Variants in IL18BP observed in about 807,000 individuals in gnomAD.
IL18BP encodes interleukin 18 binding protein.
Under a neutral mutation model 19.9 loss-of-function variants are expected in IL18BP, and 23 were observed. The observed-to-expected ratio is 1.15, with a 90% CI of 0.83 to 1.64. IL18BP has a LOEUF of 1.64. IL18BP is among the 40% of genes most tolerant of loss of function. The pLI is 0.00. For synonymous variants in IL18BP, 107 were observed against 101.0 expected (o/e 1.06, Z -0.35); for missense variants, 239 against 240.7 (o/e 0.99, Z 0.05).
Position 72,000,376 on chromosome 11 carries a change from C to A in IL18BP, c.54C>A (p.Leu18=), listed in dbSNP as rs138685890. The change falls in exon 3 of 6, where the codon CTC becomes CTA. Residue 18 remains leucine, a synonymous_variant. Transcript: ENST00000393703. ...TPDLSPLWVL[L]LCAHVVTLLV... The stretch of plus-strand genomic sequence containing the variant: ...ACCTCAGCCCTTTGTGGGTCCTGCT[C>A]CTGTGTGCCCACGTCGTCACTCTCC... The A allele has an allele frequency of 9.9e-6, 16 of 1,613,906 alleles. No individual in the cohort carries two copies. Among genetic ancestry groups the A allele is most frequent in the African/African-American group, 1.3e-5 (1 of 74,916 alleles).
downstream of IL18BP, chr11:72,003,881 C>A (rs765421656): frequency 8.1e-6 from 13 of 1,613,454 alleles, no homozygotes; most frequent in South Asian, 1.4e-4. Flanking sequence ...CTGCCAGTGC[C>A]TCTACCTTGC....
downstream of IL18BP, chr11:72,005,780 T>G: frequency 1.9e-6 from 1 of 535,438 alleles, no homozygotes; most frequent in South Asian, 2.6e-5. Context: ...CATGGAGGAC[T>G]CCCCACAGCT....
chr11:72,006,187 C>A, downstream of IL18BP: 1 of 1,614,150 alleles, frequency 6.2e-7, no homozygotes, highest in Non-Finnish European at 8.5e-7. Flanking sequence ...GGCTCGCAGG[C>A]TAGCCTGGGA....
downstream of IL18BP, chr11:72,006,043 G>C (rs1164879993): frequency 1.2e-6 from 2 of 1,611,318 alleles, no homozygotes; most frequent in Non-Finnish European, 1.7e-6. Context: ...ACCTGGAGGG[G>C]CCCCACTGGA....
At chr11:72,004,772 A>C (rs1041775308), downstream of IL18BP, 1 of 1,599,056 alleles carries the variant, frequency 6.3e-7, no homozygotes, top group African/African-American at 1.4e-5. Flanking sequence ...GGGGGTCTCC[A>C]GTTTTCATCT....
At chr11:72,000,279 T>A in intron 2 of IL18BP, 72 bp from the exon 3 acceptor site, 1 of 1,352,722 alleles carries the variant, frequency 7.4e-7, no homozygotes, top group Non-Finnish European at 1.1e-6. Flanking sequence ...ATCTCTGGGC[T>A]GGAGTTACAT....
downstream of IL18BP, chr11:72,003,781 C>G (rs1955441360): frequency 1.6e-6 from 2 of 1,244,064 alleles, no homozygotes; most frequent in South Asian, 2.5e-5. Flanking sequence ...CCCACACCCT[C>G]CAGCAGCCTG....
At chr11:72,004,472 C>A, downstream of IL18BP, 1 of 1,203,332 alleles carries the variant, frequency 8.3e-7, no homozygotes, top group Non-Finnish European at 1.2e-6. Flanking sequence ...CAACTCTGGG[C>A]CAGATCCTTC....
At chr11:72,005,394 C>A, downstream of IL18BP, 3 of 1,599,524 alleles carry the variant, frequency 1.9e-6, no homozygotes, top group African/African-American at 1.4e-5. Flanking sequence ...GAAGTGGGAA[C>A]AAATGAGCCT....
chr11:72,001,896 A>C lies in IL18BP; in HGVS notation c.*35A>C. 6.2e-7 allele frequency: 1 copy of C among 1,613,626 alleles called. No homozygotes were observed. Among genetic ancestry groups the C allele is most frequent in the Non-Finnish European group, 8.5e-7 (1 of 1,179,764 alleles). ...CAGGGCCAGCAGCAGCACAACCTTG[A>C]CCAGAGCTTGGGTCCTACCTGTCTA... On this transcript the variant is annotated 3_prime_UTR_variant, in exon 6 of 6. Transcript: ENST00000393703.
intron 3 of IL18BP, 112 bp downstream of exon 3, chr11:72,000,669 GGC>G: frequency 2.3e-6 from 2 of 855,426 alleles, no homozygotes; most frequent in Non-Finnish European, 3.7e-6. Flanking sequence ...GAGCCAGCTG[GGC>G]TGAGCACGCA....
chr11:72,005,890 G>A, downstream of IL18BP: 1 of 697,166 alleles, frequency 1.4e-6, no homozygotes, highest in South Asian at 1.9e-5. Flanking sequence ...AAGGCCCTGA[G>A]GCTGCAGGAA....
chr11:72,006,206 C>G, downstream of IL18BP: 3 of 1,614,168 alleles, frequency 1.9e-6, no homozygotes, highest in Non-Finnish European at 1.7e-6. Context: ...GAAGCAGGAG[C>G]AGACCGCGTG....
At chr11:72,004,453 T>C (rs1482952765), downstream of IL18BP, 1 of 1,221,642 alleles carries the variant, frequency 8.2e-7, no homozygotes, top group Non-Finnish European at 1.2e-6. Flanking sequence ...TGCAACCTGC[T>C]CCCCTTCCCA....
At chr11:72,006,148 A>G (rs1955674152), downstream of IL18BP, 1 of 1,614,198 alleles carries the variant, frequency 6.2e-7, no homozygotes, top group African/African-American at 1.3e-5. Flanking sequence ...GGGAGAACCC[A>G]GGCGAGCTAG....
downstream of IL18BP, chr11:72,007,250 C>T (rs780122187): frequency 3.2e-5 from 52 of 1,613,300 alleles, no homozygotes; most frequent in Admixed American, 8.3e-4. Flanking sequence ...GGTCTTACGA[C>T]CCGAGTCCAG....
chr11:72,002,146 C>T lies in IL18BP; in HGVS notation c.*285C>T, dbSNP rs894016115. The T allele has an allele frequency of 3.9e-6, 2 of 514,984 alleles. No individual in the cohort carries two copies. The highest frequency in any genetic ancestry group is 6.9e-6 in the Non-Finnish European group (2 of 287,836). The allele number at this position is 514,984 out of a possible 1,614,324, so 31.9% of individuals were successfully genotyped here. On this transcript the variant is annotated 3_prime_UTR_variant, in exon 6 of 6. Coordinates refer to ENST00000393703, the MANE Select transcript of IL18BP (RefSeq NM_001039660.2). ...TCACACTGCTCTACTGCTCAGAAAC[C>T]ACCAAGACTGTTGATGCCTTAGCCT...
chr11:72,004,645 G>C (rs1955555379), downstream of IL18BP: 1 of 1,612,408 alleles, frequency 6.2e-7, no homozygotes, highest in Non-Finnish European at 8.5e-7. Flanking sequence ...CCTACCTCAG[G>C]AGTTCCAGGG....
Position 72,000,444 on chromosome 11 carries a change from C to G in IL18BP, c.122C>G (p.Thr41Ser). Residue 41 changes from threonine (T) to serine (S), a missense_variant, in exon 3 of 6, where the codon ACT becomes AGT. Thr to Ser is a moderately conservative substitution (Grantham distance 58). Coordinates refer to ENST00000393703, the MANE Select transcript of IL18BP (RefSeq NM_001039660.2). Reference protein sequence around the residue: ...TPVSQTTTAATASVRSTKDPC... With the variant: ...TPVSQTTTAASASVRSTKDPC... Reference sequence around the variant, plus strand: ...GTCTCGCAGACCACCACAGCTGCCACTGCCTCAGTTAGAAGCACAAAGGAC... The same window carrying G: ...GTCTCGCAGACCACCACAGCTGCCAGTGCCTCAGTTAGAAGCACAAAGGAC... 6.2e-7 allele frequency: 1 copy of G among 1,614,126 alleles called. No homozygotes were observed. Among genetic ancestry groups the G allele is most frequent in the South Asian group, 1.1e-5 (1 of 91,086 alleles).
Sources: allele counts gnomAD v4.1 joint callset, GRCh38; gene constraint gnomAD v4.1.1; transcripts MANE v1.5; gene names NCBI Gene and HGNC (gene_info 2026-07-23, HGNC 2026-07-21).